LINGO2: variants seen among roughly 807,000 people sequenced by gnomAD.
The protein encoded by LINGO2 is leucine-rich repeat and immunoglobulin-like domain-containing nogo receptor-interacting protein 2.
Under a neutral mutation model 30.6 loss-of-function variants are expected in LINGO2, and 14 were observed. The ratio of observed to expected loss-of-function variants is 0.46; its 90% CI spans 0.30 to 0.72. The LOEUF is 0.72. LINGO2 is among the 30% of genes least tolerant of loss of function. The pLI is 0.07. For missense variants in LINGO2, 729 were observed against 751.7 expected, an observed-to-expected ratio of 0.97 and a Z score of 0.35; for synonymous variants, 317 against 288.5, an observed-to-expected ratio of 1.10 and a Z score of -1.00.
the LINGO2 span, among the ~76,000 whole-genome samples, chr9:28,685,680 A>C: frequency 6.6e-6 from 1 of 152,270 alleles, no homozygotes; most frequent in Non-Finnish European, 1.5e-5. Flanking sequence ...GTTCTCCCTA[A>C]AACTCCTTAC....
At chr9:28,891,580 G>A in the LINGO2 span, among the ~76,000 whole-genome samples, 2 of 151,758 alleles carry the variant, frequency 1.3e-5, 1 homozygote, top group Non-Finnish European at 2.9e-5. Flanking sequence ...GTACCTTTGG[G>A]GTGAGTATAG....
intron 1 of LINGO2, among the ~76,000 whole-genome samples, chr9:28,650,751 G>A (rs994134024): frequency 1.3e-5 from 2 of 152,054 alleles, no homozygotes; most frequent in African/African-American, 4.8e-5. Flanking sequence ...GCATATATAT[G>A]TTTTATAAAT....
At chr9:28,983,724 T>A in the LINGO2 span, among the ~76,000 whole-genome samples, 1 of 151,858 alleles carries the variant, frequency 6.6e-6, no homozygotes, top group Non-Finnish European at 1.5e-5. Context: ...CAGTACCTAG[T>A]CCAAAATATA....
At position 27,967,923 on chromosome 9, in the gene LINGO2, C is replaced by T. The variant is rs145411957; in HGVS notation, c.-35-17217G>A. Among the ~76,000 whole-genome samples the T allele has an allele frequency of 3.6e-3, 541 of 152,246 alleles. 10 individuals carry two copies. The highest frequency in any genetic ancestry group is 4.7e-3 in the Non-Finnish European group (323 of 68,004). On this transcript the variant is annotated intron_variant, in intron 5 of 5. Transcript: ENST00000379992. ...ATATATCAGTCAAGCTAAGCAAGAA[C>T]ATGCAATTCTTTATATTCCAAAAAC...
intron 3 of LINGO2, among the ~76,000 whole-genome samples, chr9:28,334,009 T>G (rs1360738014): frequency 6.6e-6 from 1 of 152,208 alleles, no homozygotes; most frequent in Non-Finnish European, 1.5e-5. Context: ...TATCTAACGC[T>G]GATTTATATT....
At chr9:28,966,900 C>T in the LINGO2 span, among the ~76,000 whole-genome samples, 2 of 151,884 alleles carry the variant, frequency 1.3e-5, no homozygotes, top group South Asian at 4.2e-4. Context: ...AACTAATACC[C>T]ACTTACTGAT....
chr9:28,496,067 G>C (rs998022008), intron 1 of LINGO2, among the ~76,000 whole-genome samples: 1 of 151,304 alleles, frequency 6.6e-6, no homozygotes, highest in Non-Finnish European at 1.5e-5. Flanking sequence ...GCTGAGGAGT[G>C]CTTTACTTCC....
chr9:28,526,507 C>A (rs1821045334), intron 1 of LINGO2, among the ~76,000 whole-genome samples: 1 of 152,196 alleles, frequency 6.6e-6, no homozygotes, highest in Non-Finnish European at 1.5e-5. Flanking sequence ...CATAGACCTA[C>A]CCTATGATAG....
At chr9:28,730,410 C>T in the LINGO2 span, among the ~76,000 whole-genome samples, 2 of 151,994 alleles carry the variant, frequency 1.3e-5, no homozygotes, top group African/African-American at 2.4e-5. Context: ...GGATGATCTA[C>T]AATGGAAAAA....
rs1824380381 is a variant in LINGO2 at position 28,045,522 on chromosome 9, A to T, written c.-86-33117T>A. ...AGAACTCAGAATTTTAAAAGTGATTATAAACATGTAAAATGAAGTATGAGA... is the reference window on the plus strand; with the variant it reads ...AGAACTCAGAATTTTAAAAGTGATTTTAAACATGTAAAATGAAGTATGAGA... On this transcript the variant is annotated intron_variant, in intron 4 of 5. Transcript: ENST00000379992. Among the ~76,000 whole-genome samples, 4 of 152,230 alleles carry T rather than the reference A, an allele frequency of 2.6e-5. No individual in the cohort carries two copies. The South Asian group carries it at 8.3e-4, about 32-fold the overall frequency.
chr9:28,921,350 A>C, the LINGO2 span, among the ~76,000 whole-genome samples: 1 of 151,240 alleles, frequency 6.6e-6, no homozygotes, highest in Admixed American at 6.6e-5. Context: ...ACCTGATTCC[A>C]CCCCCACCCC....
chr9:28,628,772 A>G (rs954508844), intron 1 of LINGO2, among the ~76,000 whole-genome samples: 1 of 152,096 alleles, frequency 6.6e-6, no homozygotes, highest in Non-Finnish European at 1.5e-5. Context: ...CAATAAAATT[A>G]TTTCCTTCAA....
the LINGO2 span, among the ~76,000 whole-genome samples, chr9:29,132,066 C>T: frequency 1.3e-5 from 2 of 151,826 alleles, no homozygotes; most frequent in East Asian, 1.9e-4. Flanking sequence ...AAGAAGCTAC[C>T]CTGACTCCAC....
At chr9:29,028,420 G>GA in the LINGO2 span, among the ~76,000 whole-genome samples, 11 of 20,666 alleles carry the variant, frequency 5.3e-4, 2 homozygotes, top group East Asian at 0.014. Context: ...GGTAGTGTGT[G>GA]GGGGGGGGTG....
chr9:28,499,231 T>G (rs376430742), intron 1 of LINGO2, among the ~76,000 whole-genome samples: 55 of 152,284 alleles, frequency 3.6e-4, no homozygotes, highest in South Asian at 3.1e-3. Flanking sequence ...GAAAGACAGA[T>G]GACTTGTTTT....
the LINGO2 span, among the ~76,000 whole-genome samples, chr9:29,206,518 T>G: frequency 3.3e-5 from 5 of 152,186 alleles, no homozygotes; most frequent in Non-Finnish European, 5.9e-5. Flanking sequence ...ATATATTTAT[T>G]GTTTACTTTT....
intron 4 of LINGO2, among the ~76,000 whole-genome samples, chr9:28,122,877 C>A (rs919914219): frequency 1.3e-5 from 2 of 152,176 alleles, no homozygotes; most frequent in African/African-American, 4.8e-5. Flanking sequence ...TTGGGTGACG[C>A]CTATAGCAGG....
the LINGO2 span, among the ~76,000 whole-genome samples, chr9:29,014,766 C>T: frequency 6.6e-6 from 1 of 152,066 alleles, no homozygotes; most frequent in African/African-American, 2.4e-5. Context: ...TGCGGTGGAA[C>T]TTCTCAGACA....
the LINGO2 span, among the ~76,000 whole-genome samples, chr9:28,775,572 T>A: frequency 6.6e-6 from 1 of 152,208 alleles, no homozygotes; most frequent in Non-Finnish European, 1.5e-5. Flanking sequence ...TCAAACTTCC[T>A]GAACATTAAG....
Sources: allele counts gnomAD v4.1 joint callset (sites outside exome capture counted in the v4.1 genomes callset), GRCh38; gene constraint gnomAD v4.1.1; transcripts MANE v1.5; gene names NCBI Gene and HGNC (gene_info 2026-07-23, HGNC 2026-07-21).